Variants in CAV2 observed in about 807,000 individuals in gnomAD.
CAV2 encodes the protein caveolin-2.
CAV2 carries 7 observed loss-of-function variants against 15.5 expected under a neutral mutation model. That is an observed-to-expected ratio of 0.45 (90% CI 0.26 to 0.85). The LOEUF (loss-of-function observed/expected upper bound fraction) is 0.85, where lower values mean the gene tolerates loss of function less well. Among genes scored for constraint, CAV2 ranks in the 40% least tolerant of loss-of-function variants. The pLI is 0.18. For synonymous variants in CAV2, 76 were observed against 83.1 expected (o/e 0.91, Z 0.46); for missense variants, 229 against 208.8 (o/e 1.10, Z -0.60).
chr7:116,504,376 T>C (rs746392542), intron 2 of CAV2, among the ~76,000 whole-genome samples: 47 of 152,356 alleles, frequency 3.1e-4, no homozygotes, highest in Middle Eastern at 3.4e-3. Context: ...GTTGCCATCA[T>C]TGAGGTTTCT....
chr7:116,500,790 C>T (rs1375876977), intron 2 of CAV2: 3 of 248,594 alleles, frequency 1.2e-5, no homozygotes, highest in Non-Finnish European at 2.3e-5. Context: ...ACCTGCGGTT[C>T]TGGGCAGGAC....
At chr7:116,505,834 A>G (rs1221628053) in intron 2 of CAV2, 137 bp from the exon 3 acceptor site, 1 of 599,878 alleles carries the variant, frequency 1.7e-6, no homozygotes, top group Non-Finnish European at 2.9e-6. Flanking sequence ...ATCAGTGATC[A>G]TTGTTCATTT....
intron 2 of CAV2, among the ~76,000 whole-genome samples, chr7:116,504,987 A>G (rs1479567055): frequency 1.3e-5 from 2 of 152,246 alleles, no homozygotes; most frequent in Admixed American, 6.5e-5. Flanking sequence ...TGATAAATTT[A>G]TGTTAGCTCA....
rs927649958 is a variant in CAV2, at chr7:116,507,354, T to C, written c.*1233T>C. ...ACTGTAGAGTCCTATTTCAGTGTGA[T>C]GAATCACTGTTGCTTTGAAAAATCT... On this transcript the variant is annotated 3_prime_UTR_variant, in exon 3 of 3. Coordinates refer to ENST00000222693, the MANE Select transcript of CAV2 (RefSeq NM_001233.5). 2.0e-5 allele frequency: 3 copies of C among 152,212 alleles called. No homozygotes were observed. Among genetic ancestry groups the C allele is most frequent in the Non-Finnish European group, 4.4e-5 (3 of 68,044 alleles). 9.4% of individuals were successfully genotyped at this position (152,212 alleles called of 1,614,324 possible). A position where few individuals can be genotyped will look rare whatever the true frequency, so the allele number is the denominator to read the frequency against.
At chr7:116,500,545 G>A (rs746051320) in intron 2 of CAV2, 98 bp downstream of exon 2, 88 of 1,193,328 alleles carry the variant, frequency 7.4e-5, no homozygotes, top group Non-Finnish European at 8.3e-5. Flanking sequence ...CCGGCGTCAG[G>A]AGGAGGAACG....
chr7:116,505,667 C>T (rs563538946), intron 2 of CAV2, among the ~76,000 whole-genome samples: 1 of 152,260 alleles, frequency 6.6e-6, no homozygotes, highest in Non-Finnish European at 1.5e-5. Flanking sequence ...AGCAAACTAA[C>T]TGAGTGAGAA....
At chr7:116,501,218 C>G (rs1337010814) in intron 2 of CAV2, 1 of 152,172 alleles carries the variant, frequency 6.6e-6, no homozygotes, top group East Asian at 1.9e-4. Context: ...AGAGAACTTT[C>G]TTAAGCATCT....
intron 2 of CAV2, 69 bp downstream of exon 2, chr7:116,500,516 ACT>A: frequency 2.1e-6 from 3 of 1,457,854 alleles, no homozygotes; most frequent in Non-Finnish European, 2.8e-6. Flanking sequence ...CCTGCCCCCT[ACT>A]CTCCTCTTAT....
At chr7:116,505,724 T>C (rs930174314) in intron 2 of CAV2, among the ~76,000 whole-genome samples, 1 of 152,070 alleles carries the variant, frequency 6.6e-6, no homozygotes, top group African/African-American at 2.4e-5. Context: ...TCATGAGGGA[T>C]CTACCCGCTG....
chr7:116,506,489 G>T lies in CAV2; in HGVS notation c.*368G>T, dbSNP rs1793242397. ...TTATGCACAACTTCCCATTAAAAAT[G>T]AGATTTCTTATTTGTTTGTCTGTTT... On this transcript the variant is annotated 3_prime_UTR_variant, in exon 3 of 3. Coordinates refer to ENST00000222693, the MANE Select transcript of CAV2 (RefSeq NM_001233.5). 5.9e-6 allele frequency: 1 copy of T among 170,454 alleles called. No homozygotes were observed. The highest frequency in any genetic ancestry group is 1.2e-5 in the Non-Finnish European group (1 of 80,642). The allele number at this position is 170,454 out of a possible 1,614,324, so 10.6% of individuals were successfully genotyped here.
In CAV2 at chr7:116,500,402, T is replaced by C; in HGVS notation, c.293T>C (p.Phe98Ser). The C allele has an allele frequency of 6.2e-7, 1 of 1,614,142 alleles. No individual in the cohort carries two copies. Among genetic ancestry groups the C allele is most frequent in the Non-Finnish European group, 8.5e-7 (1 of 1,179,984 alleles). The part of the protein sequence containing the change: ...LTVFLAIPLA[F>S]IAGILFATLS... ...GTGTTCCTGGCCATTCCCCTGGCCT[T>C]CATTGCGGGAATTCTCTTTGCCACC... The change falls in exon 2 of 3, where the codon TTC becomes TCC. Residue 98 changes from phenylalanine to serine, a missense_variant. Coordinates refer to ENST00000222693, the MANE Select transcript of CAV2 (RefSeq NM_001233.5).
At chr7:116,500,877 G>C (rs28503222) in intron 2 of CAV2, 26,652 of 162,338 alleles carry the variant, frequency 0.16, 2,392 homozygotes, top group Middle Eastern at 0.22. Context: ...TGAGCAGAAT[G>C]CCGCTGACAG....
chr7:116,506,433 G>T lies in CAV2; in HGVS notation c.*312G>T. ...ATAATGATGAACTTATAATGATTAA[G>T]GGACATTTCTATAAAAATACTACAA... On this transcript the variant is annotated 3_prime_UTR_variant, in exon 3 of 3. Coordinates refer to ENST00000222693, the MANE Select transcript of CAV2 (RefSeq NM_001233.5). The T allele has an allele frequency of 4.4e-6, 1 of 227,584 alleles. No homozygotes were observed. The allele number at this position is 227,584 out of a possible 1,614,324, so 14.1% of individuals were successfully genotyped here. A position where few individuals can be genotyped will look rare whatever the true frequency, so the allele number is the denominator to read the frequency against.
chr7:116,502,503 C>T (rs1793127481), intron 2 of CAV2, among the ~76,000 whole-genome samples: 3 of 152,132 alleles, frequency 2.0e-5, no homozygotes, highest in Admixed American at 2.0e-4. Context: ...ATAGGTTTAT[C>T]ATTAATAGAT....
intron 2 of CAV2, chr7:116,500,815 T>G (rs1584753845): frequency 1.5e-5 from 3 of 198,722 alleles, no homozygotes; most frequent in East Asian, 2.5e-4. Flanking sequence ...CTTTCTTTCA[T>G]TGCCTTTTAT....
intron 2 of CAV2, 26 bp downstream of exon 2, chr7:116,500,473 C>G (rs768047015): frequency 2.5e-6 from 4 of 1,597,878 alleles, no homozygotes; most frequent in Non-Finnish European, 1.7e-6. Flanking sequence ...CCGGGTGGAC[C>G]GGCTTTCTGA....
chr7:116,504,847 T>C (rs1793194273), intron 2 of CAV2, among the ~76,000 whole-genome samples: 2 of 152,240 alleles, frequency 1.3e-5, no homozygotes, highest in Admixed American at 1.3e-4. Context: ...ACTAGTTTTC[T>C]TGTGTAAAAG....
rs1190102385 is a variant in CAV2, at chr7:116,507,060, G to A, written c.*939G>A. On this transcript the variant is annotated 3_prime_UTR_variant, in exon 3 of 3. Coordinates refer to ENST00000222693, the MANE Select transcript of CAV2 (RefSeq NM_001233.5). ...TTGTCTAGGAGATGCTTTCTCTCTA[G>A]TAGTTAGAAATTAAATCTGTGTCAG... is the stretch of plus-strand genomic sequence containing the variant. 2 of 152,596 alleles carry A rather than the reference G, an allele frequency of 1.3e-5. No individual in the cohort carries two copies. Among genetic ancestry groups the A allele is most frequent in the Non-Finnish European group, 2.9e-5 (2 of 68,024 alleles). 9.5% of individuals were successfully genotyped at this position (152,596 alleles called of 1,614,324 possible). A position where few individuals can be genotyped will look rare whatever the true frequency, so the allele number is the denominator to read the frequency against.
At position 116,506,271 on chromosome 7, in the gene CAV2, G is replaced by A; in HGVS notation, c.*150G>A. 1.5e-6 allele frequency: 1 copy of A among 682,966 alleles called. No homozygotes were observed. Among genetic ancestry groups the A allele is most frequent in the Non-Finnish European group, 2.4e-6 (1 of 421,742 alleles). The allele number at this position is 682,966 out of a possible 1,614,324, so 42.3% of individuals were successfully genotyped here. ...CCACATTTAGAAATGTTTATTGACA[G>A]GTCTTTTCAAATAATGCTTTTCTAA... On this transcript the variant is annotated 3_prime_UTR_variant, in exon 3 of 3. Coordinates refer to ENST00000222693, the MANE Select transcript of CAV2 (RefSeq NM_001233.5).
Sources: gnomAD v4.1 joint callset for allele counts (sites outside exome capture counted in the v4.1 genomes callset) on GRCh38, gnomAD v4.1.1 for gene constraint, MANE v1.5 for transcripts, NCBI Gene and HGNC (gene_info 2026-07-23, HGNC 2026-07-21) for gene names.